The following IL15 variants were observed in gnomAD, a reference collection of about 807,000 sequenced individuals.
IL15 encodes interleukin-15.
A neutral mutation model predicts 19.6 loss-of-function variants in IL15; 11 were observed. That is an observed-to-expected ratio of 0.56 (90% CI 0.35 to 0.93). The LOEUF (loss-of-function observed/expected upper bound fraction) is 0.93, where lower values mean the gene tolerates loss of function less well. Among genes scored for constraint, IL15 ranks in the 40% least tolerant of loss-of-function variants. The pLI, the probability that IL15 is intolerant of heterozygous loss-of-function variation, is 0.01. For missense variants in IL15, 197 were observed against 186.5 expected (o/e 1.06, Z -0.33); for synonymous variants, 58 against 59.6 (o/e 0.97, Z 0.12).
At chr4:141,653,126 AC>A (rs1727466713) in intron 1 of IL15, among the ~76,000 whole-genome samples, 1 of 152,172 alleles carries the variant, frequency 6.6e-6, no homozygotes, top group Non-Finnish European at 1.5e-5. Flanking sequence ...CTAAAGAGGC[AC>A]CACTGGAAAA....
intron 2 of IL15, among the ~76,000 whole-genome samples, chr4:141,693,752 A>C (rs1007149085): frequency 6.6e-6 from 1 of 152,210 alleles, no homozygotes; most frequent in Non-Finnish European, 1.5e-5. Flanking sequence ...GTCATTTGAA[A>C]CAAAAAAAAT....
At chr4:141,653,310 C>T (rs1431323606) in intron 1 of IL15, among the ~76,000 whole-genome samples, 1 of 151,934 alleles carries the variant, frequency 6.6e-6, no homozygotes, top group Non-Finnish European at 1.5e-5. Flanking sequence ...TAGTTTTTTC[C>T]CAAATTTTCT....
At chr4:141,726,746 A>C (rs180919094) in intron 5 of IL15, among the ~76,000 whole-genome samples, 1 of 152,208 alleles carries the variant, frequency 6.6e-6, no homozygotes, top group Non-Finnish European at 1.5e-5. Context: ...ACTACAGAGC[A>C]ATAAAAAGGA....
intron 2 of IL15, among the ~76,000 whole-genome samples, chr4:141,664,342 A>AGC (rs1157673858): frequency 7.6e-6 from 1 of 130,950 alleles, no homozygotes; most frequent in Non-Finnish European, 1.6e-5. Context: ...TGGTGGGCAA[A>AGC]ACACACACAC....
At chr4:141,701,703 G>T (rs1390816291) in intron 2 of IL15, among the ~76,000 whole-genome samples, 1 of 152,126 alleles carries the variant, frequency 6.6e-6, no homozygotes, top group Non-Finnish European at 1.5e-5. Context: ...CTTGATGAAG[G>T]TGGCTAAGGG....
chr4:141,648,272 A>C (rs1578987144), intron 1 of IL15, among the ~76,000 whole-genome samples: 2 of 152,184 alleles, frequency 1.3e-5, no homozygotes, highest in South Asian at 4.1e-4. Context: ...CCTTATTAGG[A>C]GTATGAGTTT....
intron 2 of IL15, among the ~76,000 whole-genome samples, chr4:141,690,316 G>A (rs939862046): frequency 4.1e-4 from 62 of 152,178 alleles, no homozygotes; most frequent in Non-Finnish European, 7.5e-4. Flanking sequence ...ACAGTGCATC[G>A]GTGGGCTGAA....
At chr4:141,642,672 A>T (rs1727091078) in intron 1 of IL15, among the ~76,000 whole-genome samples, 1 of 152,156 alleles carries the variant, frequency 6.6e-6, no homozygotes, top group Non-Finnish European at 1.5e-5. Flanking sequence ...GTGTCCAGAC[A>T]CACTTGCCAT....
chr4:141,658,554 T>C (rs1477616628), intron 2 of IL15, among the ~76,000 whole-genome samples: 2 of 152,006 alleles, frequency 1.3e-5, no homozygotes, highest in African/African-American at 4.8e-5. Context: ...AAAGTGAATA[T>C]ATACATTTCA....
chr4:141,727,557 G>T (rs1225836967), intron 5 of IL15, among the ~76,000 whole-genome samples: 1 of 152,106 alleles, frequency 6.6e-6, no homozygotes, highest in Non-Finnish European at 1.5e-5. Flanking sequence ...TTGTGGTGAT[G>T]AAACTATTTT....
At chr4:141,709,565 A>ATT (rs148565257) in intron 2 of IL15, among the ~76,000 whole-genome samples, 2 of 150,080 alleles carry the variant, frequency 1.3e-5, no homozygotes, top group African/African-American at 4.9e-5. Context: ...CAAAACAACG[A>ATT]TTTTTTTTTT....
chr4:141,710,520 T>A (rs1045170104), intron 2 of IL15, among the ~76,000 whole-genome samples: 3 of 152,192 alleles, frequency 2.0e-5, no homozygotes, highest in African/African-American at 7.2e-5. Context: ...TGTGTCTACT[T>A]TTTAACTAAT....
intron 2 of IL15, chr4:141,717,094 A>C (rs999853371): frequency 5.3e-5 from 8 of 152,210 alleles, no homozygotes; most frequent in African/African-American, 1.9e-4. Flanking sequence ...TTACCTAGAT[A>C]ACTCGATTAA....
At chr4:141,647,042 A>G (rs1432470934) in intron 1 of IL15, among the ~76,000 whole-genome samples, 1 of 152,116 alleles carries the variant, frequency 6.6e-6, no homozygotes, top group East Asian at 1.9e-4. Context: ...TGGAGAATAG[A>G]AAGACAAGCT....
chr4:141,732,244 G>C (rs1304915799), intron 7 of IL15, among the ~76,000 whole-genome samples: 1 of 152,176 alleles, frequency 6.6e-6, no homozygotes, highest in African/African-American at 2.4e-5. Flanking sequence ...AGTAGCAGCA[G>C]CTAAAATAGG....
intron 2 of IL15, among the ~76,000 whole-genome samples, chr4:141,697,047 C>T (rs1057284174): frequency 1.1e-4 from 17 of 151,740 alleles, no homozygotes; most frequent in African/African-American, 2.4e-4. Context: ...TTGTTTTTGT[C>T]GCATTTGCTT....
At chr4:141,715,684 A>G (rs1372677354) in intron 2 of IL15, 1 of 152,154 alleles carries the variant, frequency 6.6e-6, no homozygotes, top group Admixed American at 6.5e-5. Flanking sequence ...TATAGTCTCT[A>G]TATTCTATTC....
At chr4:141,690,234 C>G (rs1728865454) in intron 2 of IL15, among the ~76,000 whole-genome samples, 1 of 152,336 alleles carries the variant, frequency 6.6e-6, no homozygotes, top group South Asian at 2.1e-4. Flanking sequence ...CCCGCTCGCA[C>G]CTCTCCCTCC....
intron 2 of IL15, among the ~76,000 whole-genome samples, chr4:141,670,674 T>G (rs1459759331): frequency 6.6e-6 from 1 of 152,234 alleles, no homozygotes; most frequent in African/African-American, 2.4e-5. Flanking sequence ...TACTTCTTTA[T>G]TTAAGATGAT....
Sources: gnomAD v4.1 joint callset for allele counts (sites outside exome capture counted in the v4.1 genomes callset) on GRCh38, gnomAD v4.1.1 for gene constraint, MANE v1.5 for transcripts, NCBI Gene and HGNC (gene_info 2026-07-23, HGNC 2026-07-21) for gene names.